SOCS2: variants seen among roughly 807,000 people sequenced by gnomAD.
SOCS2 encodes the protein CIS-2.
SOCS2 carries 10 observed loss-of-function variants against 18.6 expected under a neutral mutation model. That is an observed-to-expected ratio of 0.54 (90% CI 0.33 to 0.91). The LOEUF is 0.91. Among genes scored for constraint, SOCS2 ranks in the 40% least tolerant of loss-of-function variants. The pLI is 0.02. For synonymous variants in SOCS2, 104 were observed against 104.0 expected (o/e 1.00, Z 0.00); for missense variants, 231 against 247.2 (o/e 0.93, Z 0.44).
chr12:93,587,198 C>G (rs966604891), downstream of SOCS2, among the ~76,000 whole-genome samples: 1 of 151,762 alleles, frequency 6.6e-6, no homozygotes, highest in African/African-American at 2.4e-5. Context: ...ACATAGTCCC[C>G]GACCTCAAGG....
downstream of SOCS2, among the ~76,000 whole-genome samples, chr12:93,578,126 T>C (rs1167640719): frequency 6.6e-6 from 1 of 152,140 alleles, no homozygotes; most frequent in Non-Finnish European, 1.5e-5. Context: ...GACTTGGAGA[T>C]TTTTTGGAAC....
the SOCS2 span, among the ~76,000 whole-genome samples, chr12:93,591,521 C>A: frequency 6.6e-6 from 1 of 152,220 alleles, no homozygotes; most frequent in South Asian, 2.1e-4. Flanking sequence ...CCTGCAGGGG[C>A]TGGCTCTAGC....
chr12:93,577,439 A>C (rs981966446), downstream of SOCS2, among the ~76,000 whole-genome samples: 12 of 152,090 alleles, frequency 7.9e-5, no homozygotes, highest in African/African-American at 2.9e-4. Flanking sequence ...CCCAAGAACG[A>C]AATGAGCAAA....
the SOCS2 span, among the ~76,000 whole-genome samples, chr12:93,618,285 C>T: frequency 6.6e-6 from 1 of 152,168 alleles, no homozygotes; most frequent in Admixed American, 6.6e-5. Context: ...TACCCAGTCT[C>T]AGGTATTTTT....
chr12:93,606,157 A>G, the SOCS2 span, among the ~76,000 whole-genome samples: 13 of 152,128 alleles, frequency 8.5e-5, no homozygotes, highest in African/African-American at 3.1e-4. Flanking sequence ...GTTGTTGTTT[A>G]TATTTCACTG....
the SOCS2 span, among the ~76,000 whole-genome samples, chr12:93,588,495 T>C: frequency 6.6e-6 from 1 of 152,104 alleles, no homozygotes; most frequent in South Asian, 2.1e-4. Context: ...AGGATGTGAG[T>C]CAAAACTCAC....
rs547277249 is a variant in SOCS2, at chr12:93,576,179, T to G, written c.*1000T>G. 4 of 152,652 alleles carry G rather than the reference T, an allele frequency of 2.6e-5. No homozygotes were observed. Among genetic ancestry groups the G allele is most frequent in the Non-Finnish European group, 5.9e-5 (4 of 68,036 alleles). 9.5% of individuals were successfully genotyped at this position (152,652 alleles called of 1,614,324 possible). On this transcript the variant is annotated 3_prime_UTR_variant, in exon 2 of 2. Coordinates refer to ENST00000551556, the MANE Select transcript of SOCS2 (RefSeq NM_001270471.2). ...GCTGTTACTATTTGATTAGAATGTA[T>G]TAAATAAAAAAAACCTGATTTCTAC...
chr12:93,619,499 C>A, the SOCS2 span, among the ~76,000 whole-genome samples: 1 of 152,154 alleles, frequency 6.6e-6, no homozygotes, highest in South Asian at 2.1e-4. Context: ...ACAAAGAAAG[C>A]TGAAGAGAAA....
chr12:93,591,084 A>G, the SOCS2 span, among the ~76,000 whole-genome samples: 2 of 152,044 alleles, frequency 1.3e-5, no homozygotes, highest in Non-Finnish European at 2.9e-5. Context: ...GCTTTATTGA[A>G]ATATAAATTT....
exon 2 of SOCS2, chr12:93,583,306 A>AT (rs1954563386): frequency 6.6e-6 from 1 of 151,844 alleles, no homozygotes; most frequent in African/African-American, 2.4e-5. Context: ...TTTGCAAGTC[A>AT]TTTTTCCCAT....
chr12:93,619,950 CG>C, the SOCS2 span, among the ~76,000 whole-genome samples: 1 of 152,162 alleles, frequency 6.6e-6, no homozygotes, highest in African/African-American at 2.4e-5. Flanking sequence ...TATATCTTCA[CG>C]TTTCAATTGC....
At chr12:93,587,545 G>T (rs562139852), downstream of SOCS2, among the ~76,000 whole-genome samples, 1 of 151,854 alleles carries the variant, frequency 6.6e-6, no homozygotes, top group South Asian at 2.1e-4. Context: ...GCCGGGCGTG[G>T]TGGCACGCGC....
intron 1 of SOCS2, 26 bp downstream of exon 1, chr12:93,573,062 G>C: frequency 1.3e-6 from 2 of 1,552,116 alleles, no homozygotes; most frequent in Non-Finnish European, 1.7e-6. Context: ...GCCGCGACGC[G>C]TGCGGGAGGG....
chr12:93,611,891 G>T, the SOCS2 span, among the ~76,000 whole-genome samples: 2 of 151,792 alleles, frequency 1.3e-5, no homozygotes, highest in Non-Finnish European at 1.5e-5. Flanking sequence ...TCACAAAGGA[G>T]GCCTCCGTTG....
chr12:93,603,092 C>T, the SOCS2 span, among the ~76,000 whole-genome samples: 1 of 152,154 alleles, frequency 6.6e-6, no homozygotes, highest in African/African-American at 2.4e-5. Context: ...CGTAGCTGTT[C>T]CCCGAAGCTA....
chr12:93,610,683 C>T, the SOCS2 span, among the ~76,000 whole-genome samples: 6 of 152,250 alleles, frequency 3.9e-5, no homozygotes, highest in East Asian at 1.2e-3. Flanking sequence ...TTTTGCCCTG[C>T]CATCTCTTTT....
chr12:93,601,105 TC>T, the SOCS2 span, among the ~76,000 whole-genome samples: 1 of 35,178 alleles, frequency 2.8e-5, no homozygotes, highest in Non-Finnish European at 5.7e-5. Context: ...TCTCTCTCTC[TC>T]TCTTTTTTTT....
chr12:93,571,942 T>C (rs777955227), upstream of SOCS2: 5 of 380,038 alleles, frequency 1.3e-5, no homozygotes, highest in African/African-American at 2.2e-5. Context: ...GTGGTTTGCA[T>C]TTTCCGCAGC....
At chr12:93,614,480 T>TTCCTTTCTTTCTTTCCTTCC in the SOCS2 span, among the ~76,000 whole-genome samples, 2 of 26,134 alleles carry the variant, frequency 7.7e-5, no homozygotes, top group African/African-American at 4.4e-4. Context: ...CCTTCCTTCC[T>TTCCTTTCTTTCTTTCCTTCC]TTCCTTCCTT....
Sources: gnomAD v4.1 joint callset for allele counts (sites outside exome capture counted in the v4.1 genomes callset) on GRCh38, gnomAD v4.1.1 for gene constraint, MANE v1.5 for transcripts, NCBI Gene and HGNC (gene_info 2026-07-23, HGNC 2026-07-21) for gene names.